GSDME: variants seen among roughly 807,000 people sequenced by gnomAD.
The protein encoded by GSDME is gasdermin-E.
GSDME carries 44 observed loss-of-function variants against 47.5 expected under a neutral mutation model. That is an observed-to-expected ratio of 0.93 (90% CI 0.73 to 1.19). GSDME has a LOEUF of 1.19. Ranked by LOEUF, GSDME falls within the 50% of genes most tolerant of loss-of-function variation. The pLI is 0.00. For missense variants in GSDME, 663 were observed against 604.2 expected (o/e 1.10, Z -1.02); for synonymous variants, 258 against 252.8 (o/e 1.02, Z -0.20).
intron 9 of GSDME, among the ~76,000 whole-genome samples, chr7:24,700,109 ACTCCATT>A (rs1329912005): frequency 6.6e-6 from 1 of 151,904 alleles, no homozygotes; most frequent in Non-Finnish European, 1.5e-5. Context: ...GCCTTATGTT[ACTCCATT>A]ATGTTGTATC....
the GSDME span, among the ~76,000 whole-genome samples, chr7:24,788,941 CTG>C: frequency 6.6e-6 from 1 of 152,104 alleles, no homozygotes; most frequent in African/African-American, 2.4e-5. The surrounding 1 kb of genome is among the most constrained non-coding windows in gnomAD (Gnocchi z 4.6). Context: ...ATTCCACTAA[CTG>C]TTATGCAAAT....
At chr7:24,704,156 G>A (rs1788998783) in intron 8 of GSDME, 1 of 152,218 alleles carries the variant, frequency 6.6e-6, no homozygotes, top group Non-Finnish European at 1.5e-5. Flanking sequence ...GCCAAGACTT[G>A]ATATTTACCT....
chr7:24,723,722 C>T (rs1278415295), intron 3 of GSDME, among the ~76,000 whole-genome samples: 1 of 152,218 alleles, frequency 6.6e-6, no homozygotes, highest in Non-Finnish European at 1.5e-5. Flanking sequence ...GCTGCTGTCT[C>T]CCTCTTCTGG....
intron 3 of GSDME, among the ~76,000 whole-genome samples, chr7:24,731,645 C>T (rs1257326495): frequency 6.6e-6 from 1 of 152,222 alleles, no homozygotes; most frequent in Non-Finnish European, 1.5e-5. Flanking sequence ...CAAGTGGTAA[C>T]ACTAACAGTT....
the GSDME span, among the ~76,000 whole-genome samples, chr7:24,789,070 TC>T: frequency 1.3e-5 from 2 of 152,190 alleles, no homozygotes; most frequent in African/African-American, 2.4e-5. Context: ...TGACTTTATG[TC>T]AGTAACTCTG....
upstream of GSDME, among the ~76,000 whole-genome samples, chr7:24,759,120 C>G (rs992952411): frequency 6.6e-6 from 1 of 152,108 alleles, no homozygotes; most frequent in Non-Finnish European, 1.5e-5. Flanking sequence ...AGATGTTGGA[C>G]GAAAGAAAGA....
Position 24,744,847 on chromosome 7 carries a change from C to A in GSDME, c.212-93G>T, listed in dbSNP as rs375626045. On this transcript the variant is annotated intron_variant, in intron 2 of 9. Coordinates refer to ENST00000645220, the MANE Select transcript of GSDME (RefSeq NM_001127453.2). The surrounding 1 kb of genome is among the most constrained non-coding windows in gnomAD (Gnocchi z 4.5). Reference sequence around the variant, plus strand: ...AGCTTTCCAAGCCTGTGCAGAGCCCCGGAAAGCAGAAGGCTGGCACTCAGA... The same window carrying A: ...AGCTTTCCAAGCCTGTGCAGAGCCCAGGAAAGCAGAAGGCTGGCACTCAGA... The A allele has an allele frequency of 2.1e-6, 3 of 1,399,606 alleles. No individual in the cohort carries two copies. Among genetic ancestry groups the A allele is most frequent in the East Asian group, 2.4e-5 (1 of 41,900 alleles). 86.7% of individuals were successfully genotyped at this position (1,399,606 alleles called of 1,614,324 possible). A position where few individuals can be genotyped will look rare whatever the true frequency, so the allele number is the denominator to read the frequency against.
chr7:24,765,698 A>G, the GSDME span, among the ~76,000 whole-genome samples: 3 of 152,252 alleles, frequency 2.0e-5, no homozygotes, highest in Non-Finnish European at 4.4e-5. Context: ...TCTTTGCTCA[A>G]TTAAACTCTG....
At chr7:24,772,573 G>A in the GSDME span, among the ~76,000 whole-genome samples, 1 of 152,206 alleles carries the variant, frequency 6.6e-6, no homozygotes, top group South Asian at 2.1e-4. This position sits in a 1 kb window ranked among gnomAD's most constrained non-coding sequence, Gnocchi z 4.5. Context: ...GTCAACTGTG[G>A]CTGTGGGTTA....
chr7:24,726,762 G>A lies in GSDME; in HGVS notation c.405-7544C>T, dbSNP rs557826597. Among the ~76,000 whole-genome samples, 6 of 147,358 alleles carry A rather than the reference G, an allele frequency of 4.1e-5. No homozygotes were observed. The highest frequency in any genetic ancestry group is 2.7e-4 in the Admixed American group (4 of 14,558). On this transcript the variant is annotated intron_variant, in intron 3 of 9. Coordinates refer to ENST00000645220, the MANE Select transcript of GSDME (RefSeq NM_001127453.2). This position sits in a 1 kb window ranked among gnomAD's most constrained non-coding sequence, Gnocchi z 5.6. ...GTGGAACTTGCAGTGAGCCGAGATC[G>A]CCCACTGCACTCCAGCCCGGGGGAC...
the GSDME span, among the ~76,000 whole-genome samples, chr7:24,793,623 CA>C: frequency 5.3e-5 from 8 of 152,226 alleles, no homozygotes; most frequent in South Asian, 8.3e-4. Flanking sequence ...TTATAACACA[CA>C]TTTTTTTTCT....
chr7:24,785,737 G>A, the GSDME span, among the ~76,000 whole-genome samples: 2 of 152,198 alleles, frequency 1.3e-5, no homozygotes, highest in Admixed American at 6.5e-5. Flanking sequence ...TTACAGGCAT[G>A]AGCCACCGTG....
rs1789796036 is a variant in GSDME, at chr7:24,721,742, T to TA, written c.405-2525_405-2524insT. ...CACTGAATTGAATCAGAGGTACGTT[T>TA]CCACATCACTCCCTTCTTAAAAGCC... is the stretch of plus-strand genomic sequence containing the variant. On this transcript the variant is annotated intron_variant, in intron 3 of 9. Coordinates refer to ENST00000645220, the MANE Select transcript of GSDME (RefSeq NM_001127453.2). The surrounding 1 kb of genome is among the most constrained non-coding windows in gnomAD (Gnocchi z 4.1). Among the ~76,000 whole-genome samples, 1 of 152,214 alleles carries TA rather than the reference T, an allele frequency of 6.6e-6. No homozygotes were observed. The highest frequency in any genetic ancestry group is 1.5e-5 in the Non-Finnish European group (1 of 68,040).
At chr7:24,747,076 T>C (rs1434473353) in intron 2 of GSDME, among the ~76,000 whole-genome samples, 1 of 152,266 alleles carries the variant, frequency 6.6e-6, no homozygotes. Flanking sequence ...CACAAGTCTT[T>C]GTGATCTTTC....
upstream of GSDME, among the ~76,000 whole-genome samples, chr7:24,759,238 C>A (rs1349902896): frequency 6.6e-6 from 1 of 152,176 alleles, no homozygotes; most frequent in Non-Finnish European, 1.5e-5. Context: ...GCATCCCCCG[C>A]TAGGGTACTG....
chr7:24,703,830 C>T (rs1319292522), intron 8 of GSDME: 2 of 152,192 alleles, frequency 1.3e-5, no homozygotes, highest in Admixed American at 6.5e-5. Context: ...CACAGTTTCT[C>T]AAGTAGTCTC....
At chr7:24,706,435 G>GA in intron 7 of GSDME, 59 bp from the exon 8 acceptor site, 3 of 1,539,706 alleles carry the variant, frequency 1.9e-6, no homozygotes, top group Non-Finnish European at 2.7e-6. Flanking sequence ...GCCACAGCTG[G>GA]GGCCTCCGCT....
At chr7:24,787,465 T>C in the GSDME span, among the ~76,000 whole-genome samples, 1 of 152,164 alleles carries the variant, frequency 6.6e-6, no homozygotes, top group African/African-American at 2.4e-5. This position sits in a 1 kb window ranked among gnomAD's most constrained non-coding sequence, Gnocchi z 5.0. Context: ...GGGTCTGAAC[T>C]ACCTGCCGGG....
intron 5 of GSDME, 189 bp from the exon 6 acceptor site, chr7:24,710,577 C>T: frequency 1.7e-6 from 1 of 602,998 alleles, no homozygotes. Flanking sequence ...AGCCCAGCCA[C>T]TTCCAACAAA....
Sources: gnomAD v4.1 joint callset for allele counts (sites outside exome capture counted in the v4.1 genomes callset) on GRCh38, gnomAD v4.1.1 for gene constraint, Gnocchi (gnomAD v3.1) non-coding constraint, MANE v1.5 for transcripts, NCBI Gene and HGNC (gene_info 2026-07-23, HGNC 2026-07-21) for gene names.